The following CLCN7 variants were observed in gnomAD, a reference collection of about 807,000 sequenced individuals.
CLCN7 encodes the protein Cl-/H+ antiporter 7, also known as H(+)/Cl(-) exchange transporter 7.
Under a neutral mutation model 102.1 loss-of-function variants are expected in CLCN7, and 60 were observed. The ratio of observed to expected loss-of-function variants is 0.59; its 90% confidence interval spans 0.48 to 0.73. The LOEUF (loss-of-function observed/expected upper bound fraction) is 0.73. Ranked by LOEUF, CLCN7 falls within the 30% of genes least tolerant of loss-of-function variation. The pLI is 0.00. For synonymous variants in CLCN7, 560 were observed against 490.5 expected (o/e 1.14, Z -1.87); for missense variants, 962 against 1,125.7 (o/e 0.85, Z 2.08).
At chr16:1,449,435 A>T in intron 17 of CLCN7, 108 bp from the exon 18 acceptor site, 1 of 1,037,608 alleles carries the variant, frequency 9.6e-7, no homozygotes. Flanking sequence ...CACAGCCAGG[A>T]ACAAACCTCG....
intron 17 of CLCN7, 105 bp from the exon 18 acceptor site, chr16:1,449,432 A>ACGAGGTTTGTTCCTGGCTGT: frequency 9.3e-7 from 1 of 1,074,836 alleles, no homozygotes; most frequent in Non-Finnish European, 1.4e-6. Flanking sequence ...CCCCACAGCC[A>ACGAGGTTTGTTCCTGGCTGT]GGAACAAACC....
At chr16:1,452,966 G>C in intron 14 of CLCN7, 73 bp from the exon 15 acceptor site, 1 of 1,540,798 alleles carries the variant, frequency 6.5e-7, no homozygotes, top group South Asian at 1.2e-5. Context: ...ATGGCAACTC[G>C]AGTCCCTGAT....
At chr16:1,450,219 C>T in intron 17 of CLCN7, 2 of 507,918 alleles carry the variant, frequency 3.9e-6, no homozygotes, top group South Asian at 4.1e-5. Flanking sequence ...ATCACCTCTG[C>T]TTTTCATCAC....
rs1184711946 is a variant in CLCN7 at position 1,454,323 on chromosome 16, C to T, written c.1153+88G>A. ...TGGGATGAGGGCAGGCTCCAGGGAG[C>T]CACAGCCTCCAGTCCTCGTCTCTAT... On this transcript the variant is annotated intron_variant, in intron 13 of 24. Transcript: ENST00000382745. 2.9e-6 allele frequency: 4 copies of T among 1,385,292 alleles called. No individual in the cohort carries two copies. The East Asian group carries it at 9.2e-5, about 32-fold the overall frequency. 85.8% of individuals were successfully genotyped at this position (1,385,292 alleles called of 1,614,324 possible).
intron 11 of CLCN7, 62 bp downstream of exon 11, chr16:1,455,657 AGGTGGACCCCAT>A: frequency 6.6e-7 from 1 of 1,506,724 alleles, no homozygotes; most frequent in Non-Finnish European, 9.2e-7. Context: ...GGTGGCCCCA[AGGTGGACCCCAT>A]GGTGGGAAAT....
chr16:1,450,162 G>C (rs373212771), intron 17 of CLCN7: 4 of 389,334 alleles, frequency 1.0e-5, no homozygotes, highest in Non-Finnish European at 1.9e-5. Flanking sequence ...AGCCCTGGCC[G>C]GACATCCACC....
chr16:1,451,886 G>A (rs1027055937), intron 15 of CLCN7, 170 bp from the exon 16 acceptor site: 6 of 641,108 alleles, frequency 9.4e-6, no homozygotes, highest in South Asian at 8.4e-5. Context: ...AGGGCAAGGA[G>A]GACACACAAG....
At chr16:1,450,388 G>GCGAGGACAACGCCCACGGCCCT in intron 17 of CLCN7, 109 bp downstream of exon 17, 1 of 1,164,378 alleles carries the variant, frequency 8.6e-7, no homozygotes. Flanking sequence ...CGTGAACCAC[G>GCGAGGACAACGCCCACGGCCCT]TGAGGTGCGA....
intron 1 of CLCN7, chr16:1,467,639 C>T (rs1281734821): frequency 6.6e-6 from 1 of 152,630 alleles, no homozygotes; most frequent in East Asian, 1.9e-4. Context: ...AGACCCATTT[C>T]ACCATGAGGA....
chr16:1,454,355 G>A (rs957028503), intron 13 of CLCN7, 56 bp downstream of exon 13: 110 of 1,569,138 alleles, frequency 7.0e-5, no homozygotes, highest in African/African-American at 1.2e-4. Flanking sequence ...CTATGGCCAC[G>A]TCACAGCTGA....
chr16:1,468,049 C>G (rs1314285789), intron 1 of CLCN7, among the ~76,000 whole-genome samples: 3 of 152,112 alleles, frequency 2.0e-5, no homozygotes, highest in African/African-American at 7.2e-5. Context: ...CACCACTGCG[C>G]TCCAGCCTGG....
chr16:1,454,612 G>A (rs984624136), intron 12 of CLCN7, 147 bp from the exon 13 acceptor site: 19 of 808,594 alleles, frequency 2.3e-5, no homozygotes, highest in Non-Finnish European at 3.0e-5. Context: ...AGTCCACAGG[G>A]GAGAAACACA....
At chr16:1,454,872 C>T (rs2038809685) in intron 12 of CLCN7, among the ~76,000 whole-genome samples, 1 of 152,334 alleles carries the variant, frequency 6.6e-6, no homozygotes, top group South Asian at 2.1e-4. Flanking sequence ...TGCACGTGCC[C>T]CCAGGCCGTG....
At chr16:1,467,274 G>A (rs975247338) in intron 1 of CLCN7, among the ~76,000 whole-genome samples, 1 of 152,206 alleles carries the variant, frequency 6.6e-6, no homozygotes, top group African/African-American at 2.4e-5. Context: ...GGGCTAGAGT[G>A]CACAGGTCCT....
Position 1,447,366 on chromosome 16 carries a change from C to T in CLCN7, c.2250+26G>A, listed in dbSNP as rs749883228. ...CCCTGCTGTTCAGTCCCAGGCCCCA[C>T]GCCCATGCCCATGCCCTGCACATGC... On this transcript the variant is annotated intron_variant, in intron 23 of 24. Transcript: ENST00000382745. 7.2e-5 allele frequency: 111 copies of T among 1,537,810 alleles called. No individual in the cohort carries two copies. In the South Asian group the frequency reaches 1.1e-3, roughly 15 times the overall value.
Position 1,454,483 on chromosome 16 carries a change from GA to G in CLCN7, c.1099-19del. The G allele has an allele frequency of 6.2e-7, 1 of 1,612,144 alleles. No homozygotes were observed. ...GCCATTTTCTGTGCAGAGAGAGGGA[GA>G]AGGCAGAGGATGTGAGGGAAAAGGC... is the stretch of plus-strand genomic sequence containing the variant. On this transcript the variant is annotated intron_variant, in intron 12 of 24. Transcript: ENST00000382745.
rs763111215 is a variant in CLCN7 at position 1,450,507 on chromosome 16, G to A, written c.1607C>T (p.Thr536Met). 4 of 1,605,076 alleles carry A rather than the reference G, an allele frequency of 2.5e-6. No homozygotes were observed. Among genetic ancestry groups the A allele is most frequent in the African/African-American group, 1.3e-5 (1 of 74,828 alleles). Residue 536 changes from threonine to methionine, a missense_variant, in exon 17 of 25, where the codon ACG (threonine) becomes ATG (methionine). Thr to Met is a moderately conservative substitution (Grantham distance 81, BLOSUM62 -1). Transcript: ENST00000382745. ...TCCGGCCCCACTCACCGCCGCCCCC[G>A]TGAGGTAGGACAGGGAGATCCCAAA... ...RLFGISLSYL[T>M]GAAIWADPGK...
At chr16:1,455,580 C>T (rs554734547) in intron 11 of CLCN7, 151 bp downstream of exon 11, 18 of 856,950 alleles carry the variant, frequency 2.1e-5, no homozygotes, top group East Asian at 7.9e-5. Context: ...AAGGCAGGAC[C>T]GCTGCTTTGG....
Position 1,449,048 on chromosome 16 carries a change from T to C in CLCN7, c.1715A>G (p.Glu572Gly), listed in dbSNP as rs2038700720. The C allele has an allele frequency of 6.2e-7, 1 of 1,612,706 alleles. No individual in the cohort carries two copies. The highest frequency in any genetic ancestry group is 8.5e-7 in the Non-Finnish European group (1 of 1,180,014). Residue 572 changes from glutamate to glycine, a missense_variant, in exon 19 of 25, where the codon GAG (glutamate) becomes GGG (glycine). Around this residue, in one of 2 missense-constraint regions of CLCN7, gnomAD observed 799 missense variants for 988.0 expected, o/e 0.81. Coordinates refer to ENST00000382745, the MANE Select transcript of CLCN7 (RefSeq NM_001287.6). ...GCCGTAGGTCACGTTGCTGGTGGCC[T>C]CCATCATGATGACGGTCAGGCTCAG... ...MTLSLTVIMM[E>G]ATSNVTYGFP... is the part of the protein sequence containing the mutation.
Sources: gnomAD v4.1 joint callset for allele counts (sites outside exome capture counted in the v4.1 genomes callset) on GRCh38, gnomAD v4.1.1 for gene constraint, gnomAD v4.1.1 regional missense constraint, MANE v1.5 for transcripts, NCBI Gene and HGNC (gene_info 2026-07-23, HGNC 2026-07-21) for gene names.